HUNK: variants seen among roughly 807,000 people sequenced by gnomAD.
The protein encoded by HUNK is hormonally up-regulated Neu-associated kinase.
HUNK carries 21 observed loss-of-function variants against 61.0 expected under a neutral mutation model. That is an observed-to-expected ratio of 0.34 (90% CI 0.24 to 0.50). HUNK has a LOEUF of 0.50. Ranked by LOEUF, HUNK falls within the 20% of genes least tolerant of loss-of-function variation. The probability of loss-of-function intolerance (pLI) is 0.98; values close to 1 mark genes in which losing one functional copy is unlikely to be tolerated. For synonymous variants in HUNK, 371 were observed against 386.1 expected (o/e 0.96, Z 0.46); for missense variants, 772 against 945.7 (o/e 0.82, Z 2.41).
At chr21:31,916,050 T>A (rs1320411122) in intron 1 of HUNK, among the ~76,000 whole-genome samples, 1 of 132,464 alleles carries the variant, frequency 7.5e-6, no homozygotes, top group Non-Finnish European at 1.6e-5. Flanking sequence ...TTTCTTTTTT[T>A]TTTTTTTTTT....
chr21:31,873,896 C>T lies in HUNK; in HGVS notation c.222C>T (p.Ala74=). 6.3e-7 allele frequency: 1 copy of T among 1,581,124 alleles called. No homozygotes were observed. ...GGAAGCTGGGCGAGGGCTCCTTTGC[C>T]AAGGTGCGCGAGGGGCTGCACGTGC... ...GSRKLGEGSF[A]KVREGLHVLT... The change falls in exon 1 of 11, where the codon GCC becomes GCT. Residue 74 remains alanine, a synonymous_variant. Coordinates refer to ENST00000270112, the MANE Select transcript of HUNK (RefSeq NM_014586.2). The surrounding 1 kb of genome is among the most constrained non-coding windows in gnomAD (Gnocchi z 6.1).
intron 1 of HUNK, among the ~76,000 whole-genome samples, chr21:31,899,228 A>G (rs1487841024): frequency 3.9e-5 from 6 of 152,206 alleles, no homozygotes; most frequent in Non-Finnish European, 8.8e-5. Context: ...GGGTAGTGTC[A>G]AACAACAGAA....
rs1207340854 is a variant in HUNK at position 31,959,592 on chromosome 21, A to G, written c.874+622A>G. ...GTTTCAGATCCAGTAAATCAGTACA[A>G]TTTGTTCTTTTGTTTGGTTCACAAT... On this transcript the variant is annotated intron_variant, in intron 5 of 10. Transcript: ENST00000270112. Among the ~76,000 whole-genome samples the G allele has an allele frequency of 2.2e-4, 34 of 152,196 alleles. 1 individual carries two copies. The highest frequency in any genetic ancestry group is 1.5e-5 in the Non-Finnish European group (1 of 68,042).
rs548104733 is a variant in HUNK at position 31,999,744 on chromosome 21, C to G, written c.*560C>G. 1.5e-4 allele frequency: 25 copies of G among 161,836 alleles called. No individual in the cohort carries two copies. In the South Asian group the frequency reaches 5.1e-3, roughly 33 times the overall value. The allele number at this position is 161,836 out of a possible 1,614,324, so 10.0% of individuals were successfully genotyped here. A position where few individuals can be genotyped will look rare whatever the true frequency, so the allele number is the denominator to read the frequency against. On this transcript the variant is annotated 3_prime_UTR_variant, in exon 11 of 11. Transcript: ENST00000270112. ...ATGGAGAGGAGCTTCGGACCAAGAT[C>G]AAACCAAACAGTGGGGACCCCAACA...
At chr21:31,969,570 C>CTT (rs1005480558) in intron 6 of HUNK, among the ~76,000 whole-genome samples, 1 of 143,738 alleles carries the variant, frequency 7.0e-6, no homozygotes. Flanking sequence ...TCTCTTTTTT[C>CTT]TTTTTTTTTT....
chr21:31,938,198 G>A (rs1040167622), intron 2 of HUNK, among the ~76,000 whole-genome samples: 12 of 152,002 alleles, frequency 7.9e-5, no homozygotes, highest in African/African-American at 2.9e-4. Flanking sequence ...TGCCCACCCC[G>A]CAACTGTTCT....
intron 7 of HUNK, among the ~76,000 whole-genome samples, chr21:31,979,671 T>A (rs1466568625): frequency 1.3e-5 from 2 of 150,736 alleles, no homozygotes; most frequent in Non-Finnish European, 3.0e-5. Context: ...ACCTGCCACC[T>A]CACCTGGCTA....
At chr21:31,891,611 C>G (rs2052388204) in intron 1 of HUNK, among the ~76,000 whole-genome samples, 1 of 152,152 alleles carries the variant, frequency 6.6e-6, no homozygotes, top group South Asian at 2.1e-4. Context: ...AACCATTAGG[C>G]TGAACTTAAA....
At position 31,936,797 on chromosome 21, in the gene HUNK, G is replaced by A. The variant is rs140029092; in HGVS notation, c.555-3368G>A. 1.3e-3 allele frequency among the ~76,000 whole-genome samples: 192 copies of A among 151,918 alleles called. 1 individual carries two copies. Among genetic ancestry groups the A allele is most frequent in the African/African-American group, 4.4e-3 (184 of 41,406 alleles). ...TTATATCATTCTTCTAATCACTGTG[G>A]TTGTTCTCTAGGCTTTTGTGGCCCC... On this transcript the variant is annotated intron_variant, in intron 2 of 10. Coordinates refer to ENST00000270112, the MANE Select transcript of HUNK (RefSeq NM_014586.2).
intron 7 of HUNK, among the ~76,000 whole-genome samples, chr21:31,977,063 G>A (rs192690874): frequency 2.0e-5 from 3 of 152,210 alleles, no homozygotes; most frequent in Admixed American, 2.0e-4. Flanking sequence ...GAGCCACCAT[G>A]CCCGACCCCA....
chr21:31,923,309 T>C (rs2052635426), intron 1 of HUNK, among the ~76,000 whole-genome samples: 1 of 151,734 alleles, frequency 6.6e-6, no homozygotes, highest in Non-Finnish European at 1.5e-5. Flanking sequence ...GCCGTGGTGG[T>C]GTGTGCTTAT....
chr21:31,962,221 T>A (rs539622031), intron 5 of HUNK, among the ~76,000 whole-genome samples: 68 of 152,358 alleles, frequency 4.5e-4, no homozygotes, highest in African/African-American at 1.5e-3. Flanking sequence ...AACCTTACCA[T>A]GTGCGTTGAA....
intron 1 of HUNK, among the ~76,000 whole-genome samples, chr21:31,913,426 G>T (rs1361940593): frequency 6.6e-6 from 1 of 151,762 alleles, no homozygotes; most frequent in Non-Finnish European, 1.5e-5. Context: ...GGAAGGGGAA[G>T]GGGAGGGAAA....
chr21:31,932,816 G>A (rs1425789441), intron 2 of HUNK, among the ~76,000 whole-genome samples: 2 of 151,722 alleles, frequency 1.3e-5, no homozygotes, highest in Non-Finnish European at 2.9e-5. Context: ...TTGGTATATC[G>A]GTGTTGCCTG....
At chr21:31,923,247 A>C (rs757050204) in intron 1 of HUNK, among the ~76,000 whole-genome samples, 4 of 152,098 alleles carry the variant, frequency 2.6e-5, no homozygotes, top group South Asian at 4.1e-4. Flanking sequence ...GTTCAAGACC[A>C]GCCTGGGCCA....
At chr21:31,946,918 A>C (rs527613109) in intron 4 of HUNK, among the ~76,000 whole-genome samples, 4 of 152,310 alleles carry the variant, frequency 2.6e-5, no homozygotes, top group African/African-American at 9.6e-5. Flanking sequence ...CCGGCCGTTC[A>C]CTGGTGATGC....
At chr21:31,992,745 A>C (rs2053180008) in intron 9 of HUNK, among the ~76,000 whole-genome samples, 1 of 152,238 alleles carries the variant, frequency 6.6e-6, no homozygotes, top group Non-Finnish European at 1.5e-5. Flanking sequence ...CTCCCTAGGA[A>C]ATTTCTTTTG....
At chr21:31,906,367 C>G (rs969329712) in intron 1 of HUNK, among the ~76,000 whole-genome samples, 8 of 152,164 alleles carry the variant, frequency 5.3e-5, no homozygotes, top group African/African-American at 1.9e-4. Flanking sequence ...CTCATATGCA[C>G]TTTGCAGATG....
chr21:31,955,142 G>A (rs935040061), intron 4 of HUNK, among the ~76,000 whole-genome samples: 2 of 152,106 alleles, frequency 1.3e-5, no homozygotes, highest in African/African-American at 2.4e-5. Flanking sequence ...GTCTGAGGAC[G>A]AACCACACGC....
Sources: allele counts gnomAD v4.1 joint callset (sites outside exome capture counted in the v4.1 genomes callset), GRCh38; gene constraint gnomAD v4.1.1; non-coding constraint Gnocchi (gnomAD v3.1); transcripts MANE v1.5; gene names NCBI Gene and HGNC (gene_info 2026-07-23, HGNC 2026-07-21).